Variants in MBOAT1 observed in about 807,000 individuals in gnomAD.
The protein encoded by MBOAT1 is membrane-bound glycerophospholipid O-acyltransferase 1.
A neutral mutation model predicts 64.4 loss-of-function variants in MBOAT1; 67 were observed. That is an observed-to-expected ratio of 1.04 (90% confidence interval 0.85 to 1.27). The LOEUF (loss-of-function observed/expected upper bound fraction) is 1.27. MBOAT1 is among the 50% of genes most tolerant of loss of function. The pLI is 0.00. For missense variants in MBOAT1, 563 were observed against 604.6 expected (o/e 0.93, Z 0.72); for synonymous variants, 229 against 218.9 (o/e 1.05, Z -0.41).
At chr6:20,121,076 G>C (rs991059587) in intron 8 of MBOAT1, among the ~76,000 whole-genome samples, 1 of 152,202 alleles carries the variant, frequency 6.6e-6, no homozygotes, top group African/African-American at 2.4e-5. Flanking sequence ...GGAGAAAACA[G>C]CCAGGACCAT....
At chr6:20,151,372 A>T in intron 2 of MBOAT1, 110 bp from the exon 3 acceptor site, 1 of 681,050 alleles carries the variant, frequency 1.5e-6, no homozygotes, top group South Asian at 1.9e-5. Context: ...AACACAAATG[A>T]TCAATGATCA....
intron 5 of MBOAT1, 65 bp downstream of exon 5, chr6:20,131,079 A>C (rs1760813278): frequency 7.2e-7 from 1 of 1,395,106 alleles, no homozygotes; most frequent in Admixed American, 1.7e-5. Context: ...TGTACATAGT[A>C]TAAAAAGAAG....
chr6:20,164,720 C>T (rs2113714680), intron 1 of MBOAT1, among the ~76,000 whole-genome samples: 1 of 152,194 alleles, frequency 6.6e-6, no homozygotes, highest in East Asian at 1.9e-4. Context: ...TAATGCCAAC[C>T]GGGAAGAAAG....
At chr6:20,187,429 T>C (rs573041873) in intron 1 of MBOAT1, among the ~76,000 whole-genome samples, 90 of 152,364 alleles carry the variant, frequency 5.9e-4, no homozygotes, top group South Asian at 3.9e-3. Flanking sequence ...AACTAATGCA[T>C]ACGGTGGGTG....
intron 1 of MBOAT1, among the ~76,000 whole-genome samples, chr6:20,160,740 A>ACGCTATTTAG (rs1207646632): frequency 6.6e-6 from 1 of 152,170 alleles, no homozygotes; most frequent in Non-Finnish European, 1.5e-5. Context: ...AGAGTACTAA[A>ACGCTATTTAG]AACGCTATTC....
At chr6:20,167,362 T>C (rs1455552225) in intron 1 of MBOAT1, among the ~76,000 whole-genome samples, 1 of 152,242 alleles carries the variant, frequency 6.6e-6, no homozygotes, top group Non-Finnish European at 1.5e-5. Flanking sequence ...AGCAATGTTT[T>C]ACTTCCCCCA....
chr6:20,191,826 T>C (rs1762810563), intron 1 of MBOAT1, among the ~76,000 whole-genome samples: 6 of 152,208 alleles, frequency 3.9e-5, no homozygotes, highest in Admixed American at 2.6e-4. Context: ...TATATTATTA[T>C]AGTACTAATA....
intron 12 of MBOAT1, among the ~76,000 whole-genome samples, chr6:20,105,041 T>C (rs1026468059): frequency 1.3e-5 from 2 of 152,226 alleles, no homozygotes; most frequent in East Asian, 1.9e-4. Context: ...CAAGACATTA[T>C]TGAGAGTGGA....
At chr6:20,169,234 C>T (rs1351230541) in intron 1 of MBOAT1, among the ~76,000 whole-genome samples, 1 of 152,216 alleles carries the variant, frequency 6.6e-6, no homozygotes, top group Non-Finnish European at 1.5e-5. Flanking sequence ...TCTTATGCAA[C>T]ACCCCAGGGT....
intron 3 of MBOAT1, among the ~76,000 whole-genome samples, chr6:20,145,249 A>T (rs1027783055): frequency 6.6e-6 from 1 of 152,072 alleles, no homozygotes; most frequent in South Asian, 2.1e-4. Flanking sequence ...GTGCTATGTG[A>T]GGATACAAGA....
intron 4 of MBOAT1, among the ~76,000 whole-genome samples, chr6:20,140,924 G>A (rs954899767): frequency 2.0e-4 from 31 of 152,128 alleles, no homozygotes; most frequent in African/African-American, 1.9e-4. Flanking sequence ...ATCTGTGGCC[G>A]CCAGCTACAA....
In MBOAT1 at chr6:20,112,928, C is replaced by A. The variant is rs937217669; in HGVS notation, c.1157G>T (p.Gly386Val). The change falls in exon 11 of 13, where the codon GGA (glycine) becomes GTA (valine). Residue 386 changes from glycine (G) to valine (V), a missense_variant. By Grantham distance (109) the Gly-to-Val change is moderately radical. Transcript: ENST00000324607. ...LSALWHGVYP[G>V]YYFTFLTGIL... is the part of the protein sequence containing the mutation. Reference sequence around the variant, plus strand: ...TCCAGTTAAGAAGGTAAAATAGTATCCAGGGTAGACACCATGCCACAAAGC... The same window carrying A: ...TCCAGTTAAGAAGGTAAAATAGTATACAGGGTAGACACCATGCCACAAAGC... The A allele has an allele frequency of 6.2e-7, 1 of 1,614,066 alleles. No individual in the cohort carries two copies. The highest frequency in any genetic ancestry group is 8.5e-7 in the Non-Finnish European group (1 of 1,179,964).
chr6:20,106,770 A>T (rs2113624510), intron 12 of MBOAT1, among the ~76,000 whole-genome samples: 1 of 152,310 alleles, frequency 6.6e-6, no homozygotes, highest in African/African-American at 2.4e-5. Context: ...GGAAACTTAA[A>T]TTCAATAAAT....
At chr6:20,170,124 TC>T (rs1258496233) in intron 1 of MBOAT1, among the ~76,000 whole-genome samples, 3 of 151,990 alleles carry the variant, frequency 2.0e-5, no homozygotes, top group Non-Finnish European at 4.4e-5. Flanking sequence ...TCCCCTGTTA[TC>T]CCCCCCTGCA....
At chr6:20,112,760 A>G in intron 11 of MBOAT1, 116 bp downstream of exon 11, 1 of 1,166,304 alleles carries the variant, frequency 8.6e-7, no homozygotes, top group Non-Finnish European at 1.2e-6. Flanking sequence ...TGATTTTTCA[A>G]AACATCACTC....
At chr6:20,111,869 CATATATATATGT>C (rs1270416393) in intron 11 of MBOAT1, among the ~76,000 whole-genome samples, 3 of 124,320 alleles carry the variant, frequency 2.4e-5, no homozygotes, top group African/African-American at 7.8e-5. Context: ...CATATATATA[CATATATATATGT>C]ATATATATAT....
Position 20,150,562 on chromosome 6 carries a change from C to CTTT in MBOAT1, c.323+620_323+622dup, listed in dbSNP as rs537125848. The stretch of plus-strand genomic sequence containing the variant: ...TTTCATTATTTTCTTTTTCTTTTTC[C>CTTT]TTTTTTTTTTTTTTTTTGACAGAGG... On this transcript the variant is annotated intron_variant, in intron 3 of 12. Transcript: ENST00000324607. Among the ~76,000 whole-genome samples, 76 of 134,846 alleles carry CTTT rather than the reference C, an allele frequency of 5.6e-4. 1 individual carries two copies. The highest frequency in any genetic ancestry group is 1.5e-3 in the African/African-American group (55 of 36,078). 88.5% of individuals were successfully genotyped at this position (134,846 alleles called of 152,430 possible). A position where few individuals can be genotyped will look rare whatever the true frequency, so the allele number is the denominator to read the frequency against.
intron 1 of MBOAT1, among the ~76,000 whole-genome samples, chr6:20,209,294 T>G (rs1484328174): frequency 2.6e-5 from 4 of 152,216 alleles, no homozygotes; most frequent in Non-Finnish European, 4.4e-5. Context: ...AGGGAGATAA[T>G]TTTATATTTC....
intron 1 of MBOAT1, among the ~76,000 whole-genome samples, chr6:20,209,970 C>G (rs1763373988): frequency 6.6e-6 from 1 of 152,244 alleles, no homozygotes; most frequent in African/African-American, 2.4e-5. Context: ...TCCCCTCCAG[C>G]TGCCCCCTAC....
Sources: gnomAD v4.1 joint callset for allele counts (sites outside exome capture counted in the v4.1 genomes callset) on GRCh38, gnomAD v4.1.1 for gene constraint, MANE v1.5 for transcripts, NCBI Gene and HGNC (gene_info 2026-07-23, HGNC 2026-07-21) for gene names.